Variants in B3GAT2 observed in about 807,000 individuals in gnomAD.
The protein encoded by B3GAT2 is beta-1,3-glucuronyltransferase 2.
In B3GAT2, 26 loss-of-function variants were observed where a neutral mutation model predicts 27.8. The ratio of observed to expected loss-of-function variants is 0.93; its 90% CI spans 0.68 to 1.30. The LOEUF is 1.30. Ranked by LOEUF, B3GAT2 falls within the 50% of genes most tolerant of loss-of-function variation. The pLI is 0.00. For missense variants in B3GAT2, 458 were observed against 459.0 expected, an observed-to-expected ratio of 1.00 and a Z score of 0.02; for synonymous variants, 218 against 195.1, an observed-to-expected ratio of 1.12 and a Z score of -0.98.
chr6:70,918,988 G>A (rs942449681), intron 1 of B3GAT2, among the ~76,000 whole-genome samples: 4 of 152,200 alleles, frequency 2.6e-5, no homozygotes, highest in Non-Finnish European at 5.9e-5. Context: ...CCTGAAGAGT[G>A]TTTTATAACC....
chr6:70,864,829 T>C (rs1239025879), intron 2 of B3GAT2, among the ~76,000 whole-genome samples: 1 of 152,224 alleles, frequency 6.6e-6, no homozygotes, highest in Non-Finnish European at 1.5e-5. Context: ...ACTTCAAGTA[T>C]TATATCTTTC....
intron 2 of B3GAT2, among the ~76,000 whole-genome samples, chr6:70,866,688 A>C (rs1007210614): frequency 6.6e-6 from 1 of 152,236 alleles, no homozygotes; most frequent in Non-Finnish European, 1.5e-5. Context: ...ACAGAGTCAC[A>C]GGAACAGAGT....
chr6:70,905,529 C>T (rs562810037), intron 1 of B3GAT2, among the ~76,000 whole-genome samples: 5 of 152,274 alleles, frequency 3.3e-5, no homozygotes, highest in African/African-American at 7.2e-5. Flanking sequence ...CGATAACCTA[C>T]GTTTTTGCCC....
chr6:70,936,679 G>T (rs1261760376), intron 1 of B3GAT2, among the ~76,000 whole-genome samples: 2 of 152,024 alleles, frequency 1.3e-5, no homozygotes, highest in Non-Finnish European at 2.9e-5. Flanking sequence ...AATGAAGGCA[G>T]AAATAAAGAT....
intron 1 of B3GAT2, among the ~76,000 whole-genome samples, chr6:70,905,615 C>T (rs1323143107): frequency 1.3e-5 from 2 of 152,132 alleles, no homozygotes; most frequent in South Asian, 2.1e-4. Flanking sequence ...TAATGGCAGA[C>T]AGCATGTTGC....
chr6:70,947,890 G>A (rs1024495037), intron 1 of B3GAT2, among the ~76,000 whole-genome samples: 4 of 152,116 alleles, frequency 2.6e-5, no homozygotes, highest in African/African-American at 9.7e-5. Flanking sequence ...CCATGATCAA[G>A]TGGACTTCAT....
chr6:70,948,399 C>A (rs1348197113), intron 1 of B3GAT2, among the ~76,000 whole-genome samples: 1 of 148,150 alleles, frequency 6.7e-6, no homozygotes, highest in African/African-American at 2.5e-5. Flanking sequence ...GATACAAAAT[C>A]AATGTACAAA....
intron 1 of B3GAT2, among the ~76,000 whole-genome samples, chr6:70,929,703 A>C (rs1002563347): frequency 6.6e-6 from 1 of 152,244 alleles, no homozygotes; most frequent in Non-Finnish European, 1.5e-5. Flanking sequence ...GAGGACAAAC[A>C]AATGGAAGAA....
At chr6:70,933,942 C>A (rs1419910237) in intron 1 of B3GAT2, among the ~76,000 whole-genome samples, 1 of 152,164 alleles carries the variant, frequency 6.6e-6, no homozygotes, top group Non-Finnish European at 1.5e-5. Flanking sequence ...ATTATCAGGT[C>A]CTATGAGGGA....
At chr6:70,867,414 A>T (rs752436982) in intron 2 of B3GAT2, among the ~76,000 whole-genome samples, 24 of 152,136 alleles carry the variant, frequency 1.6e-4, no homozygotes, top group Non-Finnish European at 2.8e-4. Flanking sequence ...AAAGTTAATA[A>T]AATTGATAAA....
chr6:70,893,153 A>G (rs1443297306), intron 2 of B3GAT2, among the ~76,000 whole-genome samples: 1 of 152,196 alleles, frequency 6.6e-6, no homozygotes, highest in African/African-American at 2.4e-5. Flanking sequence ...GACTCCTGGT[A>G]TTCTTCGTCC....
chr6:70,919,522 C>T (rs542463771), intron 1 of B3GAT2, among the ~76,000 whole-genome samples: 1 of 152,272 alleles, frequency 6.6e-6, no homozygotes, highest in East Asian at 1.9e-4. Flanking sequence ...CTGGTTTCTC[C>T]CCATCTTTGT....
intron 2 of B3GAT2, among the ~76,000 whole-genome samples, chr6:70,870,557 A>G (rs1178640516): frequency 6.6e-6 from 1 of 151,286 alleles, no homozygotes; most frequent in East Asian, 1.9e-4. Context: ...TAAAAAAAAG[A>G]AAAAAAAAGA....
intron 1 of B3GAT2, among the ~76,000 whole-genome samples, chr6:70,913,824 G>T (rs1041351620): frequency 6.6e-6 from 1 of 152,122 alleles, no homozygotes; most frequent in African/African-American, 2.4e-5. Flanking sequence ...TTACCGTGTG[G>T]TTATCCATGT....
chr6:70,911,985 CACAGTG>C (rs1772695872), intron 1 of B3GAT2, among the ~76,000 whole-genome samples: 1 of 152,146 alleles, frequency 6.6e-6, no homozygotes, highest in South Asian at 2.1e-4. Flanking sequence ...CTTATTTTTG[CACAGTG>C]ATTTTGTACA....
At chr6:70,921,744 T>C (rs752998799) in intron 1 of B3GAT2, among the ~76,000 whole-genome samples, 4 of 152,212 alleles carry the variant, frequency 2.6e-5, no homozygotes, top group Non-Finnish European at 5.9e-5. Context: ...ATCTTTGAAG[T>C]TGCTATCCTT....
chr6:70,921,898 C>T (rs529693880), intron 1 of B3GAT2, among the ~76,000 whole-genome samples: 48 of 152,282 alleles, frequency 3.2e-4, no homozygotes, highest in Middle Eastern at 3.4e-3. Context: ...TGTGATGTAA[C>T]GCTGATGGGC....
At chr6:70,917,918 T>A (rs184362444) in intron 1 of B3GAT2, among the ~76,000 whole-genome samples, 215 of 152,318 alleles carry the variant, frequency 1.4e-3, no homozygotes, top group Non-Finnish European at 2.7e-3. Context: ...TAGTTCTGCT[T>A]GCTCTAGAGC....
At chr6:70,884,289 C>G (rs1197886132) in intron 2 of B3GAT2, among the ~76,000 whole-genome samples, 11 of 152,108 alleles carry the variant, frequency 7.2e-5, no homozygotes, top group Admixed American at 6.5e-4. Context: ...CTGGAGTATA[C>G]AGCTCGGCAT....
Sources: allele counts gnomAD v4.1 joint callset (sites outside exome capture counted in the v4.1 genomes callset), GRCh38; gene constraint gnomAD v4.1.1; transcripts MANE v1.5; gene names NCBI Gene and HGNC (gene_info 2026-07-23, HGNC 2026-07-21).